Variants in MTR observed in about 807,000 individuals in gnomAD.
MTR encodes the protein 5-methyltetrahydrofolate-homocysteine methyltransferase, also known as methionine synthase.
In MTR, 84 loss-of-function variants were observed where a neutral mutation model predicts 154.8. The ratio of observed to expected loss-of-function variants is 0.54; its 90% CI spans 0.45 to 0.65. The LOEUF (loss-of-function observed/expected upper bound fraction) is 0.65. MTR is among the 30% of genes least tolerant of loss of function. MTR has a pLI of 0.00. For missense variants in MTR, 1,275 were observed against 1,570.2 expected (o/e 0.81, Z 3.18); for synonymous variants, 554 against 553.9 (o/e 1.00, Z 0.00).
chr1:236,824,336 A>G (rs1197619513), intron 9 of MTR, 117 bp downstream of exon 9: 6 of 910,762 alleles, frequency 6.6e-6, no homozygotes, highest in Non-Finnish European at 1.1e-5. Flanking sequence ...TATAGTTGAC[A>G]CTTAATAAAT....
intron 1 of MTR, among the ~76,000 whole-genome samples, chr1:236,796,695 T>G (rs1660408199): frequency 6.6e-6 from 1 of 151,800 alleles, no homozygotes; most frequent in Non-Finnish European, 1.5e-5. Flanking sequence ...ACTGCTGTTA[T>G]TAAATAAGAT....
chr1:236,864,061 G>GTA (rs1211331526), intron 22 of MTR, among the ~76,000 whole-genome samples: 2 of 152,112 alleles, frequency 1.3e-5, no homozygotes, highest in Admixed American at 6.5e-5. Flanking sequence ...TTGGAATGTT[G>GTA]TATACAAGTA....
rs571409144 is a variant in MTR at position 236,844,719 on chromosome 1, T to C, written c.1516-5625T>C. On this transcript the variant is annotated intron_variant, in intron 15 of 32. Coordinates refer to ENST00000366577, the MANE Select transcript of MTR (RefSeq NM_000254.3). ...GAGAAGGCAGAGTAAAGAGTGCAGA[T>C]CTGCAGGCATGCTGGTTGATGTGCT... Among the ~76,000 whole-genome samples the C allele has an allele frequency of 2.0e-5, 3 of 152,268 alleles. No individual in the cohort carries two copies. The South Asian group carries it at 6.2e-4, about 32-fold the overall frequency.
intron 21 of MTR, among the ~76,000 whole-genome samples, chr1:236,862,953 T>C (rs528045859): frequency 6.6e-6 from 1 of 152,230 alleles, no homozygotes; most frequent in African/African-American, 2.4e-5. Flanking sequence ...ATCCTTCTTG[T>C]TTTGCTTTTT....
chr1:236,800,257 A>C (rs919967960), intron 1 of MTR: 1 of 985,314 alleles, frequency 1.0e-6, no homozygotes, highest in Non-Finnish European at 1.2e-6. Context: ...GCCAAAGGAC[A>C]TACTTCACTG....
Position 236,899,033 on chromosome 1 carries a change from A to G in MTR, c.*1389A>G, listed in dbSNP as rs1228620038. 1.1e-4 allele frequency: 17 copies of G among 152,204 alleles called. No homozygotes were observed. The highest frequency in any genetic ancestry group is 1.1e-3 in the Admixed American group (17 of 15,284). 9.4% of individuals were successfully genotyped at this position (152,204 alleles called of 1,614,324 possible). On this transcript the variant is annotated 3_prime_UTR_variant, in exon 33 of 33. Transcript: ENST00000366577. ...TTGGAGTCCTGGTTTGATTCGAAGG[A>G]TGAAGACGAAGAAGCAAGGGAGGAA...
rs201901663 is a variant in MTR, at chr1:236,891,160, A to T, written c.3035A>T (p.Asp1012Val). The T allele has an allele frequency of 2.7e-4, 432 of 1,614,184 alleles. No individual in the cohort carries two copies. The highest frequency in any genetic ancestry group is 2.5e-4 in the Admixed American group (15 of 60,030). The change falls in exon 29 of 33, where the codon GAT (aspartate) becomes GTT (valine). Residue 1012 changes from aspartate (D) to valine (V), a missense_variant. Coordinates refer to ENST00000366577, the MANE Select transcript of MTR (RefSeq NM_000254.3). ...GGAGAGGCCAGGAAGGTCTACGATG[A>T]TGCCCACAATATGCTGAACACACTG... is the stretch of plus-strand genomic sequence containing the variant. ...VGGEARKVYD[D>V]AHNMLNTLIS...
intron 4 of MTR, 45 bp from the exon 5 acceptor site, chr1:236,810,458 G>C: frequency 6.7e-7 from 1 of 1,495,632 alleles, no homozygotes; most frequent in Non-Finnish European, 9.3e-7. Flanking sequence ...GACAAAAAAT[G>C]TTCAGCCACT....
chr1:236,894,941 T>G (rs952532671), intron 30 of MTR: 5 of 350,222 alleles, frequency 1.4e-5, no homozygotes. Context: ...CTATAGATTC[T>G]TCATCTTCCT....
intron 24 of MTR, among the ~76,000 whole-genome samples, chr1:236,879,363 G>T (rs992049994): frequency 3.9e-5 from 6 of 152,214 alleles, no homozygotes; most frequent in African/African-American, 1.4e-4. Context: ...AAATACAATT[G>T]CATTAAATAT....
intron 23 of MTR, 43 bp downstream of exon 23, chr1:236,873,883 TC>T: frequency 1.3e-6 from 2 of 1,552,662 alleles, no homozygotes; most frequent in Non-Finnish European, 1.8e-6. Flanking sequence ...AAATGTCATA[TC>T]CCCAGGTGTC....
chr1:236,848,636 G>A (rs948258617), intron 15 of MTR, among the ~76,000 whole-genome samples: 6 of 152,028 alleles, frequency 3.9e-5, no homozygotes, highest in Admixed American at 2.6e-4. Context: ...ACGAAAGCTC[G>A]CCACCTTCCC....
rs1398831453 is a variant in MTR, at chr1:236,903,749, C to G, written c.*6105C>G. 6.6e-6 allele frequency: 1 copy of G among 152,158 alleles called. No homozygotes were observed. The highest frequency in any genetic ancestry group is 6.5e-5 in the Admixed American group (1 of 15,272). The allele number at this position is 152,158 out of a possible 1,614,324, so 9.4% of individuals were successfully genotyped here. A position where few individuals can be genotyped will look rare whatever the true frequency, so the allele number is the denominator to read the frequency against. On this transcript the variant is annotated 3_prime_UTR_variant, in exon 33 of 33. Transcript: ENST00000366577. ...GCAGGTGAGGAAGGAACTCTGAACT[C>G]TCACAATCTTGTTTCTTCATTTCCC... is the stretch of plus-strand genomic sequence containing the variant.
intron 24 of MTR, among the ~76,000 whole-genome samples, chr1:236,875,299 A>G (rs1665368009): frequency 6.6e-6 from 1 of 152,240 alleles, no homozygotes; most frequent in South Asian, 2.1e-4. Flanking sequence ...GTTTGGAGAC[A>G]GAAAGCCCAT....
In MTR at chr1:236,852,514, T is replaced by C. The variant is rs1663969010; in HGVS notation, c.1696-7T>C. ...GGAATCTTTTCATATTTTAAAATTT[T>C]TGCCAGGAAACATTACCTGGAGCCA... On this transcript the variant is annotated splice_region_variant and splice_polypyrimidine_tract_variant and intron_variant, in intron 16 of 32. Transcript: ENST00000366577. The C allele has an allele frequency of 6.2e-7, 1 of 1,607,886 alleles. No homozygotes were observed. Among genetic ancestry groups the C allele is most frequent in the Non-Finnish European group, 8.5e-7 (1 of 1,174,348 alleles).
chr1:236,833,628 T>TCTTCATTAGAGTCTAGCTCTTATGA, intron 13 of MTR, among the ~76,000 whole-genome samples: 1 of 152,334 alleles, frequency 6.6e-6, no homozygotes, highest in South Asian at 2.1e-4. Context: ...GACAGGTGAC[T>TCTTCATTAGAGTCTAGCTCTTATGA]CTTCATTAGA....
intron 15 of MTR, 41 bp from the exon 16 acceptor site, chr1:236,850,303 A>T: frequency 7.0e-7 from 1 of 1,428,158 alleles, no homozygotes; most frequent in Non-Finnish European, 9.5e-7. Context: ...TTAATAGATA[A>T]TTTTTCTATT....
chr1:236,822,312 G>GTTTTTT (rs199660325), intron 8 of MTR, among the ~76,000 whole-genome samples: 11 of 124,936 alleles, frequency 8.8e-5, no homozygotes, highest in Non-Finnish European at 1.5e-4. Flanking sequence ...GGTTTTTTTT[G>GTTTTTT]TTTTTTTTTT....
At chr1:236,878,132 C>G (rs990993635) in intron 24 of MTR, among the ~76,000 whole-genome samples, 19 of 151,860 alleles carry the variant, frequency 1.3e-4, no homozygotes, top group African/African-American at 4.6e-4. Flanking sequence ...ATCTGGCTTG[C>G]CTTTTGCTAT....
Sources: gnomAD v4.1 joint callset for allele counts (sites outside exome capture counted in the v4.1 genomes callset) on GRCh38, gnomAD v4.1.1 for gene constraint, MANE v1.5 for transcripts, NCBI Gene and HGNC (gene_info 2026-07-23, HGNC 2026-07-21) for gene names.